The following SLC20A1 variants were observed in gnomAD, a reference collection of about 807,000 sequenced individuals.
The protein encoded by SLC20A1 is sodium-dependent phosphate transporter 1.
SLC20A1 carries 28 observed loss-of-function variants against 62.7 expected under a neutral mutation model. That is an observed-to-expected ratio of 0.45 (90% CI 0.33 to 0.61). The LOEUF (loss-of-function observed/expected upper bound fraction) is 0.61, where lower values mean the gene tolerates loss of function less well. SLC20A1 is among the 20% of genes least tolerant of loss of function. SLC20A1 has a pLI of 0.02. For missense variants in SLC20A1, 673 were observed against 838.6 expected, an observed-to-expected ratio of 0.80 and a Z score of 2.44; for synonymous variants, 305 against 302.9, an observed-to-expected ratio of 1.01 and a Z score of -0.07.
chr2:112,656,188 CTTTTTTT>C (rs367841545), intron 5 of SLC20A1, among the ~76,000 whole-genome samples: 27 of 90,578 alleles, frequency 3.0e-4, no homozygotes, highest in Admixed American at 5.2e-4. Context: ...AAAGACAAAA[CTTTTTTT>C]TTTTTTTTTT....
At chr2:112,652,644 G>C in intron 4 of SLC20A1, 58 bp from the exon 5 acceptor site, 2 of 1,368,560 alleles carry the variant, frequency 1.5e-6, no homozygotes, top group Non-Finnish European at 2.1e-6. Context: ...AAAAGATTCT[G>C]TGGAAATGGG....
intron 5 of SLC20A1, 37 bp from the exon 6 acceptor site, chr2:112,657,085 C>T (rs756656933): frequency 4.3e-6 from 7 of 1,613,276 alleles, no homozygotes; most frequent in Non-Finnish European, 3.4e-6. Context: ...GGGGCTGTTG[C>T]CCTGGGGTTT....
At chr2:112,659,902 A>G in intron 8 of SLC20A1, 140 bp downstream of exon 8, 1 of 669,888 alleles carries the variant, frequency 1.5e-6, no homozygotes, top group Non-Finnish European at 2.5e-6. Flanking sequence ...AATAGCAGTT[A>G]TTGACATAAT....
At chr2:112,655,702 C>A (rs1203941992) in intron 5 of SLC20A1, among the ~76,000 whole-genome samples, 1 of 151,928 alleles carries the variant, frequency 6.6e-6, no homozygotes, top group African/African-American at 2.4e-5. Context: ...TACTTCTTTT[C>A]GTTTGTTTTT....
In SLC20A1 at chr2:112,649,390, A is replaced by G. The variant is rs1686367450; in HGVS notation, c.561+1652A>G. On this transcript the variant is annotated intron_variant, in intron 4 of 10. Transcript: ENST00000272542. Reference sequence around the variant, plus strand: ...TCTTGCAGGCCAATCCCTCAGTAACAGGAGTTTTCAGTTGAGTATGAATAT... The same window carrying G: ...TCTTGCAGGCCAATCCCTCAGTAACGGGAGTTTTCAGTTGAGTATGAATAT... 3.9e-5 allele frequency among the ~76,000 whole-genome samples: 6 copies of G among 152,200 alleles called. No individual in the cohort carries two copies. The South Asian group carries it at 1.2e-3, about 31-fold the overall frequency.
Position 112,647,688 on chromosome 2 carries a change from A to G in SLC20A1, c.511A>G (p.Ile171Val). ...SWFVSPLLSG[I>V]MSGILFFLVR... ...GTTCGTGTCCCCACTGCTTTCTGGA[A>G]TTATGTCTGGAATTTTATTCTTCCT... is the stretch of plus-strand genomic sequence containing the variant. The change falls in exon 4 of 11, where the codon ATT becomes GTT. Residue 171 changes from isoleucine to valine, a missense_variant. Transcript: ENST00000272542. 6.2e-7 allele frequency: 1 copy of G among 1,614,044 alleles called. No homozygotes were observed. The highest frequency in any genetic ancestry group is 8.5e-7 in the Non-Finnish European group (1 of 1,179,944).
In SLC20A1 at chr2:112,646,981, T is replaced by A; in HGVS notation, c.153T>A (p.Ala51=). Residue 51 remains alanine (A), a synonymous_variant, in exon 2 of 11, where the codon GCT becomes GCA. Transcript: ENST00000272542. The part of the protein sequence containing the change: ...ANDVANSFGT[A]VGSGVVTLKQ... The stretch of plus-strand genomic sequence containing the variant: ...ATGTAGCAAATTCTTTTGGTACAGC[T>A]GTGGGCTCAGGTGTAGTGACCCTGA... 6.2e-7 allele frequency: 1 copy of A among 1,614,212 alleles called. No homozygotes were observed. Among genetic ancestry groups the A allele is most frequent in the Non-Finnish European group, 8.5e-7 (1 of 1,180,030 alleles).
chr2:112,656,567 G>T (rs973969922), intron 5 of SLC20A1, among the ~76,000 whole-genome samples: 33 of 152,150 alleles, frequency 2.2e-4, no homozygotes, highest in African/African-American at 7.7e-4. Context: ...CTTGTTTTCT[G>T]TATCTTGCTT....
chr2:112,658,595 C>T (rs1686662999), intron 6 of SLC20A1: 4 of 454,448 alleles, frequency 8.8e-6, no homozygotes, highest in African/African-American at 2.0e-5. Flanking sequence ...AAAATATTTA[C>T]AGAAAAATTT....
chr2:112,654,624 C>T (rs1383037636), intron 5 of SLC20A1, among the ~76,000 whole-genome samples: 2 of 152,032 alleles, frequency 1.3e-5, no homozygotes, highest in African/African-American at 2.4e-5. Context: ...GGGCCGGGCG[C>T]GGTGGCTCAT....
At chr2:112,661,065 T>C in intron 9 of SLC20A1, 77 bp from the exon 10 acceptor site, 1 of 1,014,318 alleles carries the variant, frequency 9.9e-7, no homozygotes, top group Non-Finnish European at 1.6e-6. Context: ...AGCAGGACTG[T>C]GTTAACTTGA....
intron 6 of SLC20A1, among the ~76,000 whole-genome samples, chr2:112,657,464 A>G (rs978514360): frequency 6.6e-6 from 1 of 152,226 alleles, no homozygotes; most frequent in African/African-American, 2.4e-5. Context: ...CCTAGTGATA[A>G]AGAGTATTCA....
chr2:112,655,023 C>T (rs1686545497), intron 5 of SLC20A1, among the ~76,000 whole-genome samples: 4 of 129,094 alleles, frequency 3.1e-5, no homozygotes, highest in Admixed American at 2.7e-4. Flanking sequence ...GGTTGGAGTG[C>T]AGTGGTGCGA....
At chr2:112,654,851 G>A (rs543313788) in intron 5 of SLC20A1, among the ~76,000 whole-genome samples, 2 of 144,664 alleles carry the variant, frequency 1.4e-5, no homozygotes, top group South Asian at 4.4e-4. Context: ...AGCCAAGATC[G>A]TGCCACTGTA....
chr2:112,652,496 AAG>A, intron 4 of SLC20A1: 2 of 582,806 alleles, frequency 3.4e-6, no homozygotes, highest in Non-Finnish European at 6.1e-6. Context: ...TAAAAGAAAA[AAG>A]AAAAAAAAAC....
intron 4 of SLC20A1, among the ~76,000 whole-genome samples, chr2:112,649,120 A>G (rs906599787): frequency 6.6e-6 from 1 of 152,218 alleles, no homozygotes; most frequent in Non-Finnish European, 1.5e-5. Flanking sequence ...CGGAAGGGGA[A>G]TGGTGGTGCT....
At position 112,659,430 on chromosome 2, in the gene SLC20A1, A is replaced by G. The variant is rs772676810; in HGVS notation, c.1275A>G (p.Ile425Met). 6.2e-7 allele frequency: 1 copy of G among 1,614,218 alleles called. No homozygotes were observed. The highest frequency in any genetic ancestry group is 8.5e-7 in the Non-Finnish European group (1 of 1,180,030). ...NNSYTSYTMAICGMPLDSFRA... is the reference protein window; with the variant it reads ...NNSYTSYTMAMCGMPLDSFRA... ...GCTATACTTCCTATACCATGGCAAT[A>G]TGTGGCATGCCTCTGGATTCATTCC... The change falls in exon 8 of 11, where the codon ATA becomes ATG. Residue 425 changes from isoleucine to methionine, a missense_variant. Coordinates refer to ENST00000272542, the MANE Select transcript of SLC20A1 (RefSeq NM_005415.5).
chr2:112,647,496 T>C lies in SLC20A1; in HGVS notation c.475+32T>C, dbSNP rs750159159. 2.0e-5 allele frequency: 32 copies of C among 1,605,308 alleles called. No homozygotes were observed. The South Asian group carries it at 3.6e-4, about 18-fold the overall frequency. ...TTAATTCCAAACGGCTTCTTAATTT[T>C]CGTTTTCGTCATATGTTACCATGGC... On this transcript the variant is annotated intron_variant, in intron 3 of 10. Transcript: ENST00000272542.
At chr2:112,648,035 A>G (rs1321274396) in intron 4 of SLC20A1, among the ~76,000 whole-genome samples, 2 of 152,224 alleles carry the variant, frequency 1.3e-5, no homozygotes, top group Non-Finnish European at 2.9e-5. Context: ...AGCTGTATAC[A>G]CATTATTTGT....
Sources: gnomAD v4.1 joint callset for allele counts (sites outside exome capture counted in the v4.1 genomes callset) on GRCh38, gnomAD v4.1.1 for gene constraint, MANE v1.5 for transcripts, NCBI Gene and HGNC (gene_info 2026-07-23, HGNC 2026-07-21) for gene names.